The following NRXN1 variants were observed in gnomAD, a reference collection of about 807,000 sequenced individuals.
NRXN1 encodes neurexin-1.
NRXN1 carries 39 observed loss-of-function variants against 150.9 expected under a neutral mutation model. That is an observed-to-expected ratio of 0.26 (90% confidence interval 0.20 to 0.34). The LOEUF (loss-of-function observed/expected upper bound fraction) is 0.34. Among genes scored for constraint, NRXN1 ranks in the 10% least tolerant of loss-of-function variants. The probability of loss-of-function intolerance (pLI) is 1.00; values close to 1 mark genes in which losing one functional copy is unlikely to be tolerated. For synonymous variants in NRXN1, 924 were observed against 757.0 expected (o/e 1.22, Z -3.62); for missense variants, 1,815 against 1,949.9 (o/e 0.93, Z 1.30).
chr2:49,962,510 A>T (rs1005042284), intron 21 of NRXN1, among the ~76,000 whole-genome samples: 1 of 152,210 alleles, frequency 6.6e-6, no homozygotes, highest in Non-Finnish European at 1.5e-5. Flanking sequence ...TAGTAATCTA[A>T]GTTTTGACTA....
At chr2:50,030,111 G>A (rs1688973144) in intron 21 of NRXN1, among the ~76,000 whole-genome samples, 1 of 152,130 alleles carries the variant, frequency 6.6e-6, no homozygotes, top group Admixed American at 6.6e-5. Context: ...TCTTTGGTTG[G>A]AAGAATCAAA....
Position 49,922,847 on chromosome 2 carries a change from G to C in NRXN1, c.4217-596C>G, listed in dbSNP as rs190814928. Among the ~76,000 whole-genome samples, 549 of 152,236 alleles carry C rather than the reference G, an allele frequency of 3.6e-3. 1 individual carries two copies. The highest frequency in any genetic ancestry group is 0.012 in the African/African-American group (496 of 41,540). On this transcript the variant is annotated intron_variant, in intron 22 of 22. Transcript: ENST00000401669. ...ATAGACTAATTTCCATTTTGTTGGAGATTCATTTGTTTACATAAGTATGTG... is the reference window on the plus strand; with the variant it reads ...ATAGACTAATTTCCATTTTGTTGGACATTCATTTGTTTACATAAGTATGTG...
chr2:50,873,944 C>T (rs1678183664), intron 5 of NRXN1, among the ~76,000 whole-genome samples: 1 of 151,778 alleles, frequency 6.6e-6, no homozygotes, highest in South Asian at 2.1e-4. Flanking sequence ...CAGCCCACCC[C>T]ATTGGTTTGT....
chr2:50,308,114 G>A (rs771189043), intron 17 of NRXN1, among the ~76,000 whole-genome samples: 25 of 152,180 alleles, frequency 1.6e-4, no homozygotes, highest in African/African-American at 5.5e-4. Context: ...TTGGTAGGGA[G>A]AGAACTTGTC....
chr2:50,724,087 C>G (rs2105145535), intron 5 of NRXN1, among the ~76,000 whole-genome samples: 1 of 152,262 alleles, frequency 6.6e-6, no homozygotes, highest in East Asian at 1.9e-4. Flanking sequence ...TTTTGTAATA[C>G]TAAAACCCAC....
chr2:50,205,020 A>G (rs1467099811), intron 18 of NRXN1, among the ~76,000 whole-genome samples: 1 of 152,070 alleles, frequency 6.6e-6, no homozygotes, highest in African/African-American at 2.4e-5. Context: ...TATGAAGTGA[A>G]TATCAGTACT....
intron 17 of NRXN1, among the ~76,000 whole-genome samples, chr2:50,391,224 A>G (rs1469407086): frequency 6.6e-6 from 1 of 151,712 alleles, no homozygotes; most frequent in East Asian, 1.9e-4. Context: ...AAAAAAAAGC[A>G]AGAAAAGACA....
At chr2:50,166,708 C>T (rs2059710584) in intron 18 of NRXN1, among the ~76,000 whole-genome samples, 1 of 151,868 alleles carries the variant, frequency 6.6e-6, no homozygotes, top group Non-Finnish European at 1.5e-5. Flanking sequence ...TAAATGAAAG[C>T]CATTGATTGA....
chr2:50,730,223 C>T (rs983919487), intron 5 of NRXN1, among the ~76,000 whole-genome samples: 10 of 152,052 alleles, frequency 6.6e-5, no homozygotes, highest in African/African-American at 1.9e-4. Flanking sequence ...CAGAGAAATG[C>T]TTTTTATGTA....
At chr2:50,959,967 G>T (rs1692881937) in intron 2 of NRXN1, among the ~76,000 whole-genome samples, 1 of 151,910 alleles carries the variant, frequency 6.6e-6, no homozygotes, top group East Asian at 1.9e-4. Context: ...TATAGTCCTG[G>T]ACTGCTTCTA....
chr2:50,438,566 T>A (rs2085654062), intron 17 of NRXN1, among the ~76,000 whole-genome samples: 1 of 152,210 alleles, frequency 6.6e-6, no homozygotes, highest in Non-Finnish European at 1.5e-5. Context: ...CAAGTGCAAT[T>A]TTTCTCACAT....
intron 5 of NRXN1, among the ~76,000 whole-genome samples, chr2:50,899,912 A>C (rs1363667214): frequency 6.6e-6 from 1 of 152,210 alleles, no homozygotes; most frequent in Non-Finnish European, 1.5e-5. Flanking sequence ...ACAGCAGTTT[A>C]TTAGACGTCA....
chr2:50,838,965 C>G (rs982223995), intron 5 of NRXN1, among the ~76,000 whole-genome samples: 5 of 152,134 alleles, frequency 3.3e-5, no homozygotes, highest in African/African-American at 1.2e-4. Context: ...AAGGTGAAAT[C>G]TTGCTGACCA....
intron 17 of NRXN1, among the ~76,000 whole-genome samples, chr2:50,286,217 T>A (rs147541217): frequency 6.6e-6 from 1 of 152,092 alleles, no homozygotes; most frequent in African/African-American, 2.4e-5. Flanking sequence ...GTACAATAGA[T>A]CTCTTGAACT....
chr2:50,115,127 A>G (rs980179146), intron 18 of NRXN1, among the ~76,000 whole-genome samples: 1 of 150,388 alleles, frequency 6.6e-6, no homozygotes, highest in African/African-American at 2.5e-5. Context: ...TATTTGGAAA[A>G]TCTTTGTAAT....
intron 2 of NRXN1, 23 bp downstream of exon 2, chr2:51,027,479 G>A (rs1428156747): frequency 1.3e-6 from 2 of 1,491,538 alleles, no homozygotes; most frequent in Non-Finnish European, 8.9e-7. Context: ...CCCGGCCCCC[G>A]TGGGTCGGGC....
At chr2:50,026,869 T>C (rs1457273502) in intron 21 of NRXN1, among the ~76,000 whole-genome samples, 3 of 33,106 alleles carry the variant, frequency 9.1e-5, no homozygotes, top group African/African-American at 2.6e-4. Context: ...CTTTTTTTTT[T>C]TTTTTTTTTT....
chr2:50,380,111 T>G (rs775941753), intron 17 of NRXN1, among the ~76,000 whole-genome samples: 3 of 152,132 alleles, frequency 2.0e-5, no homozygotes, highest in Non-Finnish European at 4.4e-5. Context: ...AATATATATT[T>G]TTTACTTTTC....
At chr2:50,344,376 C>T (rs1408225206) in intron 17 of NRXN1, among the ~76,000 whole-genome samples, 2 of 151,932 alleles carry the variant, frequency 1.3e-5, no homozygotes, top group Non-Finnish European at 2.9e-5. Context: ...TGTAAGTTTG[C>T]GCCTCTGATT....
Sources: gnomAD v4.1 joint callset for allele counts (sites outside exome capture counted in the v4.1 genomes callset) on GRCh38, gnomAD v4.1.1 for gene constraint, MANE v1.5 for transcripts, NCBI Gene and HGNC (gene_info 2026-07-23, HGNC 2026-07-21) for gene names.